Variants in DGKB observed in about 807,000 individuals in gnomAD.
DGKB encodes 90 kDa diacylglycerol kinase.
DGKB carries 67 observed loss-of-function variants against 114.3 expected under a neutral mutation model. The ratio of observed to expected loss-of-function variants is 0.59; its 90% CI spans 0.48 to 0.72. The LOEUF (loss-of-function observed/expected upper bound fraction) is 0.72, where lower values mean the gene tolerates loss of function less well. Among genes scored for constraint, DGKB ranks in the 30% least tolerant of loss-of-function variants. DGKB has a pLI of 0.00. For missense variants in DGKB, 907 were observed against 975.2 expected (o/e 0.93, Z 0.93); for synonymous variants, 398 against 323.1 (o/e 1.23, Z -2.49).
At chr7:14,652,599 T>C (rs1814799022) in intron 13 of DGKB, among the ~76,000 whole-genome samples, 1 of 151,182 alleles carries the variant, frequency 6.6e-6, no homozygotes, top group African/African-American at 2.4e-5. Flanking sequence ...GGCAAGGACT[T>C]CCTGTCTAAA....
intron 5 of DGKB, among the ~76,000 whole-genome samples, chr7:14,728,587 A>G (rs1830364290): frequency 6.6e-6 from 1 of 152,144 alleles, no homozygotes; most frequent in African/African-American, 2.4e-5. Context: ...CATGAGCATC[A>G]TCTGCTCTGG....
intron 21 of DGKB, among the ~76,000 whole-genome samples, chr7:14,457,472 T>G (rs1296175855): frequency 6.6e-6 from 1 of 152,228 alleles, no homozygotes; most frequent in African/African-American, 2.4e-5. Flanking sequence ...TTCTTGCTAT[T>G]AATTGCTATA....
chr7:14,398,476 T>A (rs559005296), intron 21 of DGKB, among the ~76,000 whole-genome samples: 5 of 152,188 alleles, frequency 3.3e-5, no homozygotes, highest in African/African-American at 1.2e-4. Context: ...AAATTCACAC[T>A]ATCATTTTCA....
At chr7:14,944,901 G>A (rs952684781) in intron 1 of DGKB, among the ~76,000 whole-genome samples, 4 of 151,630 alleles carry the variant, frequency 2.6e-5, no homozygotes, top group African/African-American at 7.3e-5. Flanking sequence ...ATAAATCTTA[G>A]AATCAGAATA....
chr7:14,814,862 C>A (rs1157982169), intron 2 of DGKB, among the ~76,000 whole-genome samples: 2 of 152,158 alleles, frequency 1.3e-5, no homozygotes, highest in Non-Finnish European at 2.9e-5. Flanking sequence ...TTATGCTCTT[C>A]TTCAGCTCAG....
chr7:14,717,679 C>T (rs1398476531), intron 6 of DGKB, among the ~76,000 whole-genome samples: 1 of 152,040 alleles, frequency 6.6e-6, no homozygotes, highest in Non-Finnish European at 1.5e-5. Flanking sequence ...ACATTTGCTT[C>T]AGAAGTGTTA....
At chr7:14,439,581 A>G (rs1398528332) in intron 21 of DGKB, among the ~76,000 whole-genome samples, 5 of 152,032 alleles carry the variant, frequency 3.3e-5, no homozygotes, top group Admixed American at 1.3e-4. Context: ...AAACATAAAC[A>G]TTAGAGGCAC....
intron 1 of DGKB, among the ~76,000 whole-genome samples, chr7:14,970,404 G>C (rs1459036815): frequency 6.6e-6 from 1 of 151,968 alleles, no homozygotes; most frequent in Non-Finnish European, 1.5e-5. Context: ...AAGTAAAACA[G>C]GGTAATGTAA....
intron 2 of DGKB, among the ~76,000 whole-genome samples, chr7:14,836,701 ATG>A (rs1423363189): frequency 6.6e-6 from 1 of 152,218 alleles, no homozygotes; most frequent in African/African-American, 2.4e-5. Context: ...ATCAAGGGAA[ATG>A]CTTCCCATGG....
At chr7:14,339,756 GC>G (rs1811301590) in intron 22 of DGKB, among the ~76,000 whole-genome samples, 1 of 151,744 alleles carries the variant, frequency 6.6e-6, no homozygotes. Flanking sequence ...AGAGATATAA[GC>G]GCTTTGTTTT....
intron 1 of DGKB, among the ~76,000 whole-genome samples, chr7:14,898,938 A>G (rs775574931): frequency 6.6e-6 from 1 of 152,172 alleles, no homozygotes; most frequent in Non-Finnish European, 1.5e-5. Flanking sequence ...TCCCTGTTAA[A>G]AGGCAAATCC....
chr7:14,560,992 T>G (rs1796577194), intron 20 of DGKB, among the ~76,000 whole-genome samples: 1 of 152,212 alleles, frequency 6.6e-6, no homozygotes, highest in South Asian at 2.1e-4. Flanking sequence ...TTTGAATGTC[T>G]TCTTTGGAGA....
intron 2 of DGKB, among the ~76,000 whole-genome samples, chr7:14,769,073 G>GAAAT: frequency 2.7e-5 from 1 of 37,106 alleles, no homozygotes; most frequent in African/African-American, 1.6e-4. Context: ...TTAAAGATAA[G>GAAAT]AAAGAAAGAA....
intron 12 of DGKB, among the ~76,000 whole-genome samples, chr7:14,681,166 T>C (rs1180429421): frequency 6.6e-6 from 1 of 152,024 alleles, no homozygotes; most frequent in Non-Finnish European, 1.5e-5. Flanking sequence ...AATGAAGTAG[T>C]TATGATCTTC....
chr7:14,307,774 T>A (rs895945620), intron 23 of DGKB, among the ~76,000 whole-genome samples: 2 of 152,196 alleles, frequency 1.3e-5, no homozygotes, highest in Non-Finnish European at 2.9e-5. Context: ...ACATAGAGTT[T>A]TTCTTTTTCT....
intron 1 of DGKB, among the ~76,000 whole-genome samples, chr7:14,955,069 T>G (rs1254228955): frequency 6.6e-6 from 1 of 151,836 alleles, no homozygotes; most frequent in Non-Finnish European, 1.5e-5. Context: ...GACTGTAGGG[T>G]TGTGAAAGGC....
intron 25 of DGKB, chr7:14,176,492 CTAA>C: frequency 9.9e-7 from 1 of 1,006,110 alleles, no homozygotes; most frequent in Non-Finnish European, 1.2e-6. Context: ...AAATAATATT[CTAA>C]TAATGTGCTC....
At chr7:14,490,817 A>G (rs1465585368) in intron 20 of DGKB, among the ~76,000 whole-genome samples, 1 of 152,140 alleles carries the variant, frequency 6.6e-6, no homozygotes, top group Non-Finnish European at 1.5e-5. Context: ...TGTAATGGCG[A>G]TTTCTACAAA....
chr7:14,325,918 A>C (rs1405518793), intron 23 of DGKB, among the ~76,000 whole-genome samples: 1 of 152,170 alleles, frequency 6.6e-6, no homozygotes, highest in Non-Finnish European at 1.5e-5. Flanking sequence ...TTATAGAAAA[A>C]TAATACAATC....
Sources: gnomAD v4.1 joint callset for allele counts (sites outside exome capture counted in the v4.1 genomes callset) on GRCh38, gnomAD v4.1.1 for gene constraint, MANE v1.5 for transcripts, NCBI Gene and HGNC (gene_info 2026-07-23, HGNC 2026-07-21) for gene names.